The following TRAM2 variants were observed in gnomAD, a reference collection of about 807,000 sequenced individuals.
TRAM2 encodes translocation associated membrane protein 2.
A neutral mutation model predicts 51.0 loss-of-function variants in TRAM2; 12 were observed. The observed-to-expected ratio is 0.24, with a 90% CI of 0.15 to 0.38. The LOEUF (loss-of-function observed/expected upper bound fraction) is 0.38. Among genes scored for constraint, TRAM2 ranks in the 10% least tolerant of loss-of-function variants. The probability of loss-of-function intolerance (pLI) is 1.00; values close to 1 mark genes in which losing one functional copy is unlikely to be tolerated. For missense variants in TRAM2, 361 were observed against 462.0 expected, an observed-to-expected ratio of 0.78 and a Z score of 2.00; for synonymous variants, 175 against 179.4, an observed-to-expected ratio of 0.98 and a Z score of 0.20.
intron 2 of TRAM2, among the ~76,000 whole-genome samples, chr6:52,518,117 G>A (rs1204225137): frequency 2.6e-5 from 4 of 152,186 alleles, no homozygotes; most frequent in Non-Finnish European, 4.4e-5. Flanking sequence ...CACTACAGAC[G>A]GGCAGCGCTC....
rs558668729 is a variant in TRAM2, at chr6:52,535,918, C to T, written c.121-72G>A. ...AAAAGAAACAAGTGGAAGCTGCTAA[C>T]CGCCCCTTTTACATCTTAGACCCTC... On this transcript the variant is annotated intron_variant, in intron 1 of 10. Coordinates refer to ENST00000182527, the MANE Select transcript of TRAM2 (RefSeq NM_012288.4). The T allele has an allele frequency of 1.3e-5, 18 of 1,341,662 alleles. No individual in the cohort carries two copies. The South Asian group carries it at 2.1e-4, about 15-fold the overall frequency. 83.1% of individuals were successfully genotyped at this position (1,341,662 alleles called of 1,614,324 possible).
rs377045665 is a variant in TRAM2, at chr6:52,505,684, C to T, written c.790G>A (p.Val264Met). The change falls in exon 9 of 11, where the codon GTG becomes ATG. Residue 264 changes from valine to methionine, a missense_variant. By Grantham distance (21) the Val-to-Met change is conservative. Transcript: ENST00000182527. ...GCCAGTCCAAAGCCAATGGCCAGCA[C>T]GGCAAGGGTGAGGATGAAGAGGCGG... ...VTRLFILTLA[V>M]LAIGFGLARM... 64 of 1,613,734 alleles carry T rather than the reference C, an allele frequency of 4.0e-5. No homozygotes were observed. The highest frequency in any genetic ancestry group is 1.3e-4 in the African/African-American group (10 of 75,042).
At chr6:52,556,644 T>C (rs542679737) in intron 1 of TRAM2, among the ~76,000 whole-genome samples, 27 of 152,026 alleles carry the variant, frequency 1.8e-4, no homozygotes, top group African/African-American at 5.5e-4. Context: ...GTAAAAGGTA[T>C]AGGCCAGGCA....
At chr6:52,520,504 A>G (rs1212924969) in intron 2 of TRAM2, among the ~76,000 whole-genome samples, 1 of 152,258 alleles carries the variant, frequency 6.6e-6, no homozygotes, top group East Asian at 1.9e-4. Context: ...GAACCAGCTA[A>G]CAGCTGGCTA....
At chr6:52,576,357 C>T (rs1214998427) in intron 1 of TRAM2, among the ~76,000 whole-genome samples, 1 of 152,210 alleles carries the variant, frequency 6.6e-6, no homozygotes, top group Non-Finnish European at 1.5e-5. Flanking sequence ...GTCTCTCCCA[C>T]TGGAAAAGCC....
At chr6:52,576,387 C>T (rs993432527) in intron 1 of TRAM2, among the ~76,000 whole-genome samples, 1 of 152,194 alleles carries the variant, frequency 6.6e-6, no homozygotes, top group Non-Finnish European at 1.5e-5. Flanking sequence ...TAGTGGCCAC[C>T]CCTTGGGGCA....
chr6:52,550,788 G>A (rs943167417), intron 1 of TRAM2, among the ~76,000 whole-genome samples: 2 of 151,970 alleles, frequency 1.3e-5, no homozygotes, highest in Admixed American at 6.6e-5. Flanking sequence ...CTGGCCTCAA[G>A]AGATCCACCT....
At chr6:52,523,283 G>A in intron 2 of TRAM2, 1 of 195,206 alleles carries the variant, frequency 5.1e-6, no homozygotes, top group Non-Finnish European at 1.0e-5. Context: ...ATCACCTGGG[G>A]AAAATATTTA....
At chr6:52,551,136 CAGG>C (rs1443401698) in intron 1 of TRAM2, among the ~76,000 whole-genome samples, 1 of 152,242 alleles carries the variant, frequency 6.6e-6, no homozygotes, top group East Asian at 1.9e-4. Flanking sequence ...TTTACTGAGG[CAGG>C]AGGAGGTGAA....
intron 1 of TRAM2, among the ~76,000 whole-genome samples, chr6:52,573,077 TAA>T (rs945309725): frequency 2.0e-5 from 3 of 151,486 alleles, no homozygotes; most frequent in Non-Finnish European, 2.9e-5. Context: ...TAAATGAGCT[TAA>T]AAAAAAAGTT....
chr6:52,551,676 C>T (rs1016814200), intron 1 of TRAM2, among the ~76,000 whole-genome samples: 1 of 152,294 alleles, frequency 6.6e-6, no homozygotes, highest in South Asian at 2.1e-4. Flanking sequence ...TGCCAGCTGG[C>T]AACCTGGAGA....
In TRAM2 at chr6:52,506,783, A is replaced by G. The variant is rs114045863; in HGVS notation, c.627-647T>C. Among the ~76,000 whole-genome samples, 933 of 152,254 alleles carry G rather than the reference A, an allele frequency of 6.1e-3. 14 individuals carry two copies. The highest frequency in any genetic ancestry group is 0.021 in the African/African-American group (873 of 41,532). On this transcript the variant is annotated intron_variant, in intron 7 of 10. Coordinates refer to ENST00000182527, the MANE Select transcript of TRAM2 (RefSeq NM_012288.4). ...CTACAGGCCACCAGAGACAGGAGAC[A>G]GAGTTTGAGAGCTCCTTCCCTGCCT...
At chr6:52,547,788 G>A (rs1023065083) in intron 1 of TRAM2, among the ~76,000 whole-genome samples, 1 of 152,232 alleles carries the variant, frequency 6.6e-6, no homozygotes, top group Non-Finnish European at 1.5e-5. Context: ...CAGCCTGTCA[G>A]CCTTTATTGC....
At chr6:52,516,931 G>A (rs1766562509) in intron 2 of TRAM2, 194 bp from the exon 3 acceptor site, 2 of 582,126 alleles carry the variant, frequency 3.4e-6, no homozygotes, top group Non-Finnish European at 3.1e-6. Context: ...CACCAATGGA[G>A]ATGGCTAAGG....
chr6:52,526,193 ACACACACACACACACG>A (rs1231220702), intron 2 of TRAM2, among the ~76,000 whole-genome samples: 1 of 109,766 alleles, frequency 9.1e-6, no homozygotes. Context: ...ACACACACAC[ACACACACACACACACG>A]CCAGAGAATT....
chr6:52,526,033 G>A (rs932869878), intron 2 of TRAM2, among the ~76,000 whole-genome samples: 2 of 152,018 alleles, frequency 1.3e-5, no homozygotes, highest in African/African-American at 4.8e-5. Context: ...AATCAACCCT[G>A]CCACCATCTT....
intron 1 of TRAM2, among the ~76,000 whole-genome samples, chr6:52,567,181 C>T (rs987270493): frequency 6.6e-6 from 1 of 152,186 alleles, no homozygotes; most frequent in Non-Finnish European, 1.5e-5. Flanking sequence ...CAACATTGGT[C>T]AAGTTACACT....
At chr6:52,505,455 C>G (rs1431140982) in intron 9 of TRAM2, 144 bp downstream of exon 9, 2 of 1,143,892 alleles carry the variant, frequency 1.7e-6, no homozygotes, top group Non-Finnish European at 2.4e-6. Flanking sequence ...ATCTCTTCTC[C>G]CCTCAGGCCT....
intron 1 of TRAM2, among the ~76,000 whole-genome samples, chr6:52,552,025 G>T (rs1331897607): frequency 6.6e-6 from 1 of 152,268 alleles, no homozygotes; most frequent in East Asian, 1.9e-4. Flanking sequence ...AGACAACACG[G>T]ACACTTGATC....
Sources: allele counts gnomAD v4.1 joint callset (sites outside exome capture counted in the v4.1 genomes callset), GRCh38; gene constraint gnomAD v4.1.1; transcripts MANE v1.5; gene names NCBI Gene and HGNC (gene_info 2026-07-23, HGNC 2026-07-21).